The following SPAG16 variants were observed in gnomAD, a reference collection of about 807,000 sequenced individuals.
The protein encoded by SPAG16 is sperm-associated antigen 16 protein.
A neutral mutation model predicts 80.4 loss-of-function variants in SPAG16; 86 were observed. That is an observed-to-expected ratio of 1.07 (90% CI 0.90 to 1.28). The LOEUF (loss-of-function observed/expected upper bound fraction) is 1.28. Among genes scored for constraint, SPAG16 ranks in the 50% most tolerant of loss-of-function variants. SPAG16 has a pLI of 0.00. For missense variants in SPAG16, 870 were observed against 765.3 expected, an observed-to-expected ratio of 1.14 and a Z score of -1.61; for synonymous variants, 294 against 265.9, an observed-to-expected ratio of 1.11 and a Z score of -1.03.
chr2:213,928,937 ACACAC>A (rs2078623519), intron 11 of SPAG16, among the ~76,000 whole-genome samples: 1 of 134,442 alleles, frequency 7.4e-6, no homozygotes, highest in Non-Finnish European at 1.7e-5. Context: ...ACACACACAC[ACACAC>A]AAAACCAACT....
chr2:213,859,324 C>G (rs1487552474), intron 10 of SPAG16, among the ~76,000 whole-genome samples: 1 of 148,124 alleles, frequency 6.8e-6, no homozygotes, highest in Non-Finnish European at 1.5e-5. Context: ...TGTACATCTG[C>G]ACAAAAACTT....
intron 10 of SPAG16, among the ~76,000 whole-genome samples, chr2:213,550,460 A>G (rs1405490335): frequency 1.3e-5 from 2 of 152,070 alleles, no homozygotes; most frequent in African/African-American, 4.8e-5. Flanking sequence ...CCTTGGGAAA[A>G]CATGCTGCTG....
intron 15 of SPAG16, among the ~76,000 whole-genome samples, chr2:214,159,807 A>G (rs1180134209): frequency 6.6e-6 from 1 of 151,954 alleles, no homozygotes; most frequent in Non-Finnish European, 1.5e-5. Context: ...ATGAAAATCA[A>G]TACTCTGTAA....
rs568550753 is a variant in SPAG16, at chr2:213,916,088, C to T, written c.1215-13872C>T. Among the ~76,000 whole-genome samples the T allele has an allele frequency of 2.6e-5, 4 of 152,248 alleles. No individual in the cohort carries two copies. In the East Asian group the frequency reaches 7.7e-4, roughly 29 times the overall value. ...TGCCTGTTCACTCTGATGATAGTTTCTTTTGTTGTGCAGAAGCTCTTTAGT... is the reference window on the plus strand; with the variant it reads ...TGCCTGTTCACTCTGATGATAGTTTTTTTTGTTGTGCAGAAGCTCTTTAGT... On this transcript the variant is annotated intron_variant, in intron 11 of 15. Coordinates refer to ENST00000331683, the MANE Select transcript of SPAG16 (RefSeq NM_024532.5).
At chr2:213,384,412 C>T (rs1276401423) in intron 9 of SPAG16, among the ~76,000 whole-genome samples, 5 of 152,110 alleles carry the variant, frequency 3.3e-5, no homozygotes, top group Non-Finnish European at 7.4e-5. Flanking sequence ...TACTGTGAGC[C>T]AGACCTGGGC....
chr2:214,335,262 C>T (rs1286264829), intron 15 of SPAG16, among the ~76,000 whole-genome samples: 1 of 152,102 alleles, frequency 6.6e-6, no homozygotes, highest in Non-Finnish European at 1.5e-5. Flanking sequence ...CTAGTTGTAG[C>T]CGTCAGTAGC....
chr2:213,405,452 A>G (rs561277735), intron 9 of SPAG16, among the ~76,000 whole-genome samples: 1 of 152,222 alleles, frequency 6.6e-6, no homozygotes, highest in Non-Finnish European at 1.5e-5. Context: ...CATCACCTCA[A>G]ACATTTATCA....
intron 15 of SPAG16, among the ~76,000 whole-genome samples, chr2:214,378,268 G>C (rs1268414076): frequency 1.3e-5 from 2 of 152,122 alleles, no homozygotes; most frequent in African/African-American, 4.8e-5. Flanking sequence ...AATATATCAG[G>C]CAAATCGTTG....
At chr2:213,695,313 G>A (rs2065113726) in intron 10 of SPAG16, among the ~76,000 whole-genome samples, 1 of 152,034 alleles carries the variant, frequency 6.6e-6, no homozygotes, top group South Asian at 2.1e-4. Context: ...TAACTAACAA[G>A]GTATCATGGT....
chr2:213,316,733 C>T (rs534079389), intron 4 of SPAG16, among the ~76,000 whole-genome samples: 3 of 152,166 alleles, frequency 2.0e-5, no homozygotes, highest in Admixed American at 2.0e-4. Context: ...CAGCTATCCA[C>T]ATAACACAGT....
intron 15 of SPAG16, among the ~76,000 whole-genome samples, chr2:214,149,564 A>G (rs899084073): frequency 1.3e-5 from 2 of 152,108 alleles, no homozygotes; most frequent in African/African-American, 2.4e-5. Context: ...CCTCAGAATC[A>G]TCATCCAAGG....
At chr2:213,440,385 T>TAA (rs148974163) in intron 9 of SPAG16, among the ~76,000 whole-genome samples, 3 of 149,080 alleles carry the variant, frequency 2.0e-5, no homozygotes, top group African/African-American at 7.4e-5. Context: ...TAGTCTCTAC[T>TAA]AAAAAAAAAA....
chr2:214,301,803 C>A (rs1216695318), intron 15 of SPAG16, among the ~76,000 whole-genome samples: 1 of 150,022 alleles, frequency 6.7e-6, no homozygotes, highest in African/African-American at 2.5e-5. Context: ...TCATTATTAT[C>A]TCTTCTTCTG....
At chr2:213,519,258 A>T (rs1196479678) in intron 10 of SPAG16, among the ~76,000 whole-genome samples, 1 of 152,204 alleles carries the variant, frequency 6.6e-6, no homozygotes, top group Non-Finnish European at 1.5e-5. Context: ...CCTTACTTTT[A>T]AAAAAGTTAG....
chr2:213,365,705 G>T lies in SPAG16; in HGVS notation c.832+1560G>T, dbSNP rs536215200. On this transcript the variant is annotated intron_variant, in intron 8 of 15. Coordinates refer to ENST00000331683, the MANE Select transcript of SPAG16 (RefSeq NM_024532.5). ...ACTCCTGTCTTGAAGTGATCCGCCT[G>T]CCTCAGCCTCCCAACATGCTGGGAT... 1.1e-3 allele frequency among the ~76,000 whole-genome samples: 164 copies of T among 151,940 alleles called. 1 individual carries two copies. The highest frequency in any genetic ancestry group is 3.3e-3 in the South Asian group (16 of 4,802).
chr2:213,626,791 G>A (rs1231191692), intron 10 of SPAG16, among the ~76,000 whole-genome samples: 1 of 151,818 alleles, frequency 6.6e-6, no homozygotes, highest in East Asian at 1.9e-4. Context: ...GTGACTACAG[G>A]TGCATGCCAC....
intron 9 of SPAG16, among the ~76,000 whole-genome samples, chr2:213,438,783 T>C (rs1451595370): frequency 4.6e-5 from 7 of 152,260 alleles, no homozygotes. Flanking sequence ...GAAAAGAGGC[T>C]ATCTTGCATA....
intron 12 of SPAG16, among the ~76,000 whole-genome samples, chr2:213,963,609 C>T (rs992024852): frequency 6.6e-6 from 1 of 152,066 alleles, no homozygotes; most frequent in East Asian, 1.9e-4. Context: ...TTAATTTATC[C>T]ATTAGGAAAG....
At chr2:213,483,522 T>G (rs908913396) in intron 9 of SPAG16, among the ~76,000 whole-genome samples, 5 of 152,190 alleles carry the variant, frequency 3.3e-5, no homozygotes, top group Non-Finnish European at 5.9e-5. Context: ...TTTCGAAAGA[T>G]GGGTTGTTGA....
Sources: allele counts gnomAD v4.1 joint callset (sites outside exome capture counted in the v4.1 genomes callset), GRCh38; gene constraint gnomAD v4.1.1; transcripts MANE v1.5; gene names NCBI Gene and HGNC (gene_info 2026-07-23, HGNC 2026-07-21).